Variants in RICTOR observed in about 807,000 individuals in gnomAD.
RICTOR encodes RPTOR independent companion of MTOR complex 2, also known as rapamycin-insensitive companion of mTOR.
In RICTOR, 49 loss-of-function variants were observed where a neutral mutation model predicts 214.9. The observed-to-expected ratio is 0.23, with a 90% CI of 0.18 to 0.29. The LOEUF (loss-of-function observed/expected upper bound fraction) is 0.29, where lower values mean the gene tolerates loss of function less well. Ranked by LOEUF, RICTOR falls within the 10% of genes least tolerant of loss-of-function variation. The pLI is 1.00. For missense variants in RICTOR, 1,625 were observed against 2,047.0 expected (o/e 0.79, Z 3.98); for synonymous variants, 717 against 711.3 (o/e 1.01, Z -0.13).
In RICTOR at chr5:38,982,061, T is replaced by C. The variant is rs765605606; in HGVS notation, c.584-25A>G. 8 of 1,546,288 alleles carry C rather than the reference T, an allele frequency of 5.2e-6. No homozygotes were observed. The African/African-American group carries it at 9.6e-5, about 18-fold the overall frequency. On this transcript the variant is annotated intron_variant, in intron 7 of 37. Transcript: ENST00000357387. The stretch of plus-strand genomic sequence containing the variant: ...GCTAAAAGAGAAAAACTTAACATAT[T>C]ATATTTGGGGTAATTATTAAAAGTA...
chr5:39,050,704 G>A (rs919467557), intron 2 of RICTOR, among the ~76,000 whole-genome samples: 2 of 151,938 alleles, frequency 1.3e-5, no homozygotes, highest in African/African-American at 2.4e-5. Context: ...TTAAAATTCC[G>A]TATCCCTTAG....
chr5:38,978,750 G>A (rs551620660), intron 8 of RICTOR, 100 bp from the exon 9 acceptor site: 1 of 546,262 alleles, frequency 1.8e-6, no homozygotes, highest in African/African-American at 2.0e-5. Flanking sequence ...ATCTTTAATG[G>A]GTTTACTGCT....
At chr5:39,006,615 T>C (rs72732755) in intron 3 of RICTOR, among the ~76,000 whole-genome samples, 12 of 150,924 alleles carry the variant, frequency 8.0e-5, no homozygotes, top group Non-Finnish European at 1.3e-4. Context: ...TGATAAAAGT[T>C]CACTACCCTA....
intron 2 of RICTOR, among the ~76,000 whole-genome samples, chr5:39,043,574 G>A (rs909574555): frequency 6.6e-5 from 10 of 152,106 alleles, no homozygotes; most frequent in African/African-American, 2.4e-4. Context: ...TAACAGTACT[G>A]TATTGTATAT....
chr5:38,999,045 A>C (rs79796058), intron 5 of RICTOR, among the ~76,000 whole-genome samples: 9 of 150,496 alleles, frequency 6.0e-5, no homozygotes, highest in Non-Finnish European at 1.2e-4. Context: ...AAAAAAAAAA[A>C]AAAAAACAAA....
At position 39,046,439 on chromosome 5, in the gene RICTOR, C is replaced by CTT. The variant is rs33965533; in HGVS notation, c.98-25305_98-25304dup. 4.4e-3 allele frequency among the ~76,000 whole-genome samples: 614 copies of CTT among 138,808 alleles called. 2 individuals are homozygous for CTT. Among genetic ancestry groups the CTT allele is most frequent in the African/African-American group, 9.9e-3 (376 of 37,882 alleles). The allele number at this position is 138,808 out of a possible 152,430, so 91.1% of individuals were successfully genotyped here. A position where few individuals can be genotyped will look rare whatever the true frequency, so the allele number is the denominator to read the frequency against. On this transcript the variant is annotated intron_variant, in intron 2 of 37. Coordinates refer to ENST00000357387, the MANE Select transcript of RICTOR (RefSeq NM_152756.5). ...ATTGTTTTCTATCTTTGAAATATTA[C>CTT]TTTTTTTTTTTTTTTGCCAAATCTG... is the stretch of plus-strand genomic sequence containing the variant.
chr5:38,958,865 A>C, intron 22 of RICTOR, 34 bp from the exon 23 acceptor site: 1 of 1,370,090 alleles, frequency 7.3e-7, no homozygotes, highest in Non-Finnish European at 9.8e-7. Context: ...AAAAAAAAAA[A>C]AAACTTCAGC....
chr5:39,054,380 T>C (rs531038623), intron 2 of RICTOR, among the ~76,000 whole-genome samples: 29 of 152,230 alleles, frequency 1.9e-4, no homozygotes, highest in Middle Eastern at 6.8e-3. Context: ...AAGATTGACA[T>C]AAATGAGAGG....
Position 39,071,878 on chromosome 5 carries a change from T to C in RICTOR, c.97+2233A>G, listed in dbSNP as rs144475343. On this transcript the variant is annotated intron_variant, in intron 2 of 37. Transcript: ENST00000357387. ...AATTTTTGGTTGCCCAAACTTTATC[T>C]TTTTACATACTGTAATCTAATCCAC... 5.5e-4 allele frequency among the ~76,000 whole-genome samples: 84 copies of C among 152,348 alleles called. 1 individual carries two copies. Among genetic ancestry groups the C allele is most frequent in the Non-Finnish European group, 1.1e-3 (73 of 68,010 alleles).
intron 6 of RICTOR, among the ~76,000 whole-genome samples, chr5:38,995,214 A>G (rs1753090537): frequency 6.6e-6 from 1 of 152,224 alleles, no homozygotes. Flanking sequence ...ATTATACACT[A>G]TGGAATATTA....
intron 7 of RICTOR, among the ~76,000 whole-genome samples, chr5:38,988,109 G>A (rs1752313378): frequency 6.6e-6 from 1 of 151,992 alleles, no homozygotes; most frequent in Non-Finnish European, 1.5e-5. Context: ...GCTGAGGAGT[G>A]TTTTACTTCC....
intron 8 of RICTOR, among the ~76,000 whole-genome samples, chr5:38,980,232 T>C (rs528471754): frequency 1.3e-5 from 2 of 152,288 alleles, no homozygotes; most frequent in African/African-American, 2.4e-5. Flanking sequence ...CATGTTTCTA[T>C]GGATTGTTTT....
At chr5:39,029,499 A>G (rs141972878) in intron 2 of RICTOR, among the ~76,000 whole-genome samples, 1 of 152,322 alleles carries the variant, frequency 6.6e-6, no homozygotes, top group Non-Finnish European at 1.5e-5. Context: ...CTATATTGTT[A>G]TCTTTACCTG....
chr5:39,043,442 G>T (rs1757296684), intron 2 of RICTOR, among the ~76,000 whole-genome samples: 1 of 152,140 alleles, frequency 6.6e-6, no homozygotes, highest in Non-Finnish European at 1.5e-5. Context: ...GCTGATCTCA[G>T]AAGTACAGAG....
intron 7 of RICTOR, among the ~76,000 whole-genome samples, chr5:38,987,271 T>G (rs1044602564): frequency 6.6e-6 from 1 of 152,238 alleles, no homozygotes. Flanking sequence ...ACTTTTTCTA[T>G]TGTTTGGAAC....
intron 7 of RICTOR, among the ~76,000 whole-genome samples, chr5:38,990,504 G>A (rs538388645): frequency 1.4e-5 from 2 of 148,052 alleles, no homozygotes; most frequent in Non-Finnish European, 3.0e-5. Context: ...ACATATATAC[G>A]ATATATACAC....
At chr5:38,997,632 C>T (rs1468518352) in intron 5 of RICTOR, among the ~76,000 whole-genome samples, 1 of 151,840 alleles carries the variant, frequency 6.6e-6, no homozygotes, top group African/African-American at 2.4e-5. Context: ...GACTGTCTTC[C>T]CAAAAACAAC....
At chr5:38,976,995 T>C (rs1287890357) in intron 9 of RICTOR, among the ~76,000 whole-genome samples, 2 of 152,198 alleles carry the variant, frequency 1.3e-5, no homozygotes, top group African/African-American at 4.8e-5. Context: ...AGAAAGAGTA[T>C]ACAGCATATA....
At chr5:38,995,678 T>C (rs1753128918) in intron 6 of RICTOR, among the ~76,000 whole-genome samples, 1 of 152,176 alleles carries the variant, frequency 6.6e-6, no homozygotes, top group Non-Finnish European at 1.5e-5. Context: ...TTATAAATAC[T>C]GACATATAAC....
Sources: allele counts gnomAD v4.1 joint callset (sites outside exome capture counted in the v4.1 genomes callset), GRCh38; gene constraint gnomAD v4.1.1; transcripts MANE v1.5; gene names NCBI Gene and HGNC (gene_info 2026-07-23, HGNC 2026-07-21).